Variants in CCDC186 observed in about 807,000 individuals in gnomAD.
CCDC186 encodes coiled-coil domain containing 186, also known as coiled-coil domain-containing protein 186.
In CCDC186, 49 loss-of-function variants were observed where a neutral mutation model predicts 113.7. The observed-to-expected ratio is 0.43, with a 90% CI of 0.34 to 0.55. The LOEUF (loss-of-function observed/expected upper bound fraction) is 0.55. Among genes scored for constraint, CCDC186 ranks in the 20% least tolerant of loss-of-function variants. CCDC186 has a pLI of 0.02. For synonymous variants in CCDC186, 355 were observed against 345.8 expected (o/e 1.03, Z -0.30); for missense variants, 890 against 1,011.1 (o/e 0.88, Z 1.62).
chr10:114,152,215 G>A (rs2031877268), intron 3 of CCDC186, among the ~76,000 whole-genome samples: 1 of 151,988 alleles, frequency 6.6e-6, no homozygotes, highest in Non-Finnish European at 1.5e-5. Context: ...GGTGGTGCAT[G>A]CCTATAGTCC....
rs747232906 is a variant in CCDC186 at position 114,164,065 on chromosome 10, AGTGTGTGTGT to A, written c.-61-746_-61-737del. 3.3e-3 allele frequency among the ~76,000 whole-genome samples: 356 copies of A among 107,036 alleles called. 3 individuals are homozygous for A. The highest frequency in any genetic ancestry group is 0.027 in the Admixed American group (233 of 8,580). The allele number at this position is 107,036 out of a possible 152,430, so 70.2% of individuals were successfully genotyped here. A position where few individuals can be genotyped will look rare whatever the true frequency, so the allele number is the denominator to read the frequency against. Reference sequence around the variant, plus strand: ...AACTTTATTAATTTGACCAAGTTAGAGTGTGTGTGTGTGTGTGTGTGTGTGTGTGTGTGTG... The same window carrying A: ...AACTTTATTAATTTGACCAAGTTAGAGTGTGTGTGTGTGTGTGTGTGTGTG... On this transcript the variant is annotated intron_variant, in intron 1 of 15. Coordinates refer to ENST00000369287, the MANE Select transcript of CCDC186 (RefSeq NM_018017.4).
chr10:114,140,032 G>C (rs904256101), intron 6 of CCDC186, among the ~76,000 whole-genome samples: 1 of 152,106 alleles, frequency 6.6e-6, no homozygotes, highest in African/African-American at 2.4e-5. Flanking sequence ...GTATTCACTG[G>C]GCATCTATGC....
At chr10:114,145,846 A>G (rs2031624357) in intron 4 of CCDC186, 85 bp from the exon 5 acceptor site, 1 of 1,238,776 alleles carries the variant, frequency 8.1e-7, no homozygotes, top group Non-Finnish European at 1.1e-6. Context: ...TGTCTCTTAT[A>G]TTACCAATGC....
chr10:114,166,016 T>G, intron 1 of CCDC186: 1 of 847,692 alleles, frequency 1.2e-6, no homozygotes, highest in Non-Finnish European at 1.4e-6. Flanking sequence ...GAATAAGTTT[T>G]TTGTAGTAAC....
chr10:114,137,113 T>G, intron 7 of CCDC186, 73 bp downstream of exon 7: 1 of 1,168,714 alleles, frequency 8.6e-7, no homozygotes, highest in Admixed American at 1.9e-5. Context: ...CGAGACTCCA[T>G]CTAAAAAAAG....
In CCDC186 at chr10:114,146,583, C is replaced by G. The variant is rs183361290; in HGVS notation, c.889-822G>C. On this transcript the variant is annotated intron_variant, in intron 4 of 15. Transcript: ENST00000369287. ...GGATTAAGTATGAAAACTATATACT[C>G]ATTTAAAAATTTTCTATTAGTATGA... is the stretch of plus-strand genomic sequence containing the variant. Among the ~76,000 whole-genome samples, 590 of 152,314 alleles carry G rather than the reference C, an allele frequency of 3.9e-3. 3 individuals carry two copies. The highest frequency in any genetic ancestry group is 0.013 in the African/African-American group (548 of 41,576).
intron 14 of CCDC186, among the ~76,000 whole-genome samples, chr10:114,126,450 C>T (rs1056951641): frequency 2.0e-5 from 3 of 152,164 alleles, no homozygotes; most frequent in Non-Finnish European, 4.4e-5. Flanking sequence ...TCCACTGCAT[C>T]GGCTCAAGCG....
chr10:114,135,859 T>G, intron 9 of CCDC186, 32 bp downstream of exon 9: 1 of 1,474,136 alleles, frequency 6.8e-7, no homozygotes, highest in Admixed American at 1.8e-5. Context: ...TATTTACCCT[T>G]CCTCTGGATT....
At chr10:114,168,761 G>T (rs2032405724) in intron 1 of CCDC186, among the ~76,000 whole-genome samples, 1 of 152,102 alleles carries the variant, frequency 6.6e-6, no homozygotes, top group Non-Finnish European at 1.5e-5. Context: ...CTACTACTTG[G>T]CTGCCTCTGC....
At chr10:114,152,119 T>C (rs938739403) in intron 3 of CCDC186, among the ~76,000 whole-genome samples, 1 of 152,104 alleles carries the variant, frequency 6.6e-6, no homozygotes, top group African/African-American at 2.4e-5. Flanking sequence ...GGAGAGGGAA[T>C]TGCCTGAGGT....
In CCDC186 at chr10:114,132,183, C is replaced by T. The variant is rs2031110628; in HGVS notation, c.1657G>A (p.Gly553Ser). ...ADQLQEQLQR[G>S]KQEIENLKEE... ...TTCAAATTTTCAATTTCTTGCTTAC[C>T]TCTAAAACACAAAATTTATATTTAA... Residue 553 changes from glycine (G) to serine (S), a missense_variant and splice_region_variant, in exon 11 of 16, where the codon GGT becomes AGT. By Grantham distance (56) the Gly-to-Ser change is moderately conservative. Transcript: ENST00000369287. The T allele has an allele frequency of 6.4e-7, 1 of 1,552,268 alleles. No homozygotes were observed. Among genetic ancestry groups the T allele is most frequent in the African/African-American group, 1.4e-5 (1 of 72,532 alleles).
At chr10:114,135,528 T>C (rs937549626) in intron 9 of CCDC186, among the ~76,000 whole-genome samples, 1 of 152,178 alleles carries the variant, frequency 6.6e-6, no homozygotes, top group Non-Finnish European at 1.5e-5. Context: ...ATCTATTAAA[T>C]ATATCCAGGA....
chr10:114,161,953 A>T (rs2032180553), intron 2 of CCDC186: 1 of 152,052 alleles, frequency 6.6e-6, no homozygotes, highest in African/African-American at 2.4e-5. Flanking sequence ...ATATGATTTC[A>T]CCTACATGAG....
chr10:114,137,806 G>A (rs537789281), intron 6 of CCDC186, among the ~76,000 whole-genome samples: 6 of 152,104 alleles, frequency 3.9e-5, no homozygotes, highest in African/African-American at 9.6e-5. Context: ...GGGGGCTGAG[G>A]TGGGCAGATC....
At chr10:114,130,166 A>G (rs1489578725) in intron 12 of CCDC186, 195 bp from the exon 13 acceptor site, 2 of 431,782 alleles carry the variant, frequency 4.6e-6, no homozygotes, top group Non-Finnish European at 8.3e-6. Context: ...TACAAAATAT[A>G]CAGAAACAAC....
intron 2 of CCDC186, among the ~76,000 whole-genome samples, chr10:114,160,989 G>A (rs901883530): frequency 6.6e-6 from 1 of 152,156 alleles, no homozygotes; most frequent in Non-Finnish European, 1.5e-5. Flanking sequence ...ACTCAAAGAG[G>A]TTGACTTGGC....
In CCDC186 at chr10:114,129,842, TA is replaced by T. The variant is rs769053102; in HGVS notation, c.2182+48del. On this transcript the variant is annotated intron_variant, in intron 13 of 15. Coordinates refer to ENST00000369287, the MANE Select transcript of CCDC186 (RefSeq NM_018017.4). The stretch of plus-strand genomic sequence containing the variant: ...ATCACACCTGGCCAAAAATGCTATT[TA>T]TTTTTATATCAATCATGAAATAACA... The T allele has an allele frequency of 1.9e-6, 3 of 1,566,608 alleles. No homozygotes were observed. The South Asian group carries it at 3.3e-5, about 17-fold the overall frequency.
intron 1 of CCDC186, chr10:114,165,795 C>A (rs943789755): frequency 1.4e-6 from 1 of 715,944 alleles, no homozygotes; most frequent in Non-Finnish European, 1.7e-6. Flanking sequence ...TTGTAGTGGG[C>A]CAAGATCGTG....
chr10:114,146,332 A>C (rs982717510), intron 4 of CCDC186, among the ~76,000 whole-genome samples: 1 of 152,162 alleles, frequency 6.6e-6, no homozygotes, highest in African/African-American at 2.4e-5. Flanking sequence ...GGATCCCTAC[A>C]TCTTGTCCAC....
Sources: gnomAD v4.1 joint callset for allele counts (sites outside exome capture counted in the v4.1 genomes callset) on GRCh38, gnomAD v4.1.1 for gene constraint, MANE v1.5 for transcripts, NCBI Gene and HGNC (gene_info 2026-07-23, HGNC 2026-07-21) for gene names.